EFCAB14: variants seen among roughly 807,000 people sequenced by gnomAD.
EFCAB14 encodes EF-hand calcium-binding domain-containing protein 14.
EFCAB14 carries 43 observed loss-of-function variants against 56.5 expected under a neutral mutation model. That is an observed-to-expected ratio of 0.76 (90% CI 0.60 to 0.98). The LOEUF is 0.98. EFCAB14 is among the 50% of genes least tolerant of loss of function. EFCAB14 has a pLI of 0.00. For synonymous variants in EFCAB14, 235 were observed against 212.9 expected (o/e 1.10, Z -0.90); for missense variants, 538 against 580.3 (o/e 0.93, Z 0.75).
intron 3 of EFCAB14, 45 bp from the exon 4 acceptor site, chr1:46,696,694 G>A: frequency 1.3e-6 from 2 of 1,574,950 alleles, no homozygotes; most frequent in Non-Finnish European, 1.7e-6. Context: ...ATGAGAATTT[G>A]TAGAGGACAC....
chr1:46,702,921 TATA>T (rs1302270122), intron 3 of EFCAB14, among the ~76,000 whole-genome samples: 1 of 152,248 alleles, frequency 6.6e-6, no homozygotes, highest in African/African-American at 2.4e-5. Context: ...ATACTGTAGC[TATA>T]ATGAGTGACT....
intron 3 of EFCAB14, among the ~76,000 whole-genome samples, chr1:46,703,138 T>C (rs1318701941): frequency 1.3e-5 from 2 of 151,972 alleles, no homozygotes; most frequent in East Asian, 3.9e-4. Flanking sequence ...AGACAGAGTC[T>C]TGCTCTTGTC....
intron 2 of EFCAB14, among the ~76,000 whole-genome samples, chr1:46,715,850 TGA>T (rs1677379297): frequency 6.6e-6 from 1 of 152,084 alleles, no homozygotes; most frequent in African/African-American, 2.4e-5. Flanking sequence ...ATAAAAATAC[TGA>T]GAGGAACGTA....
Position 46,689,608 on chromosome 1 carries a change from G to A in EFCAB14, c.774C>T (p.Thr258=). The A allele has an allele frequency of 6.2e-7, 1 of 1,613,856 alleles. No individual in the cohort carries two copies. The highest frequency in any genetic ancestry group is 1.3e-5 in the African/African-American group (1 of 75,010). Residue 258 remains threonine (T), a synonymous_variant, in exon 6 of 11, where the codon ACC becomes ACT. Coordinates refer to ENST00000371933, the MANE Select transcript of EFCAB14 (RefSeq NM_014774.3). ...GCACCTGTTTCAAATTCTCACTGTGGGTTTTATTGTCAAGTTCTGATGTGG... is the reference window on the plus strand; with the variant it reads ...GCACCTGTTTCAAATTCTCACTGTGAGTTTTATTGTCAAGTTCTGATGTGG... The part of the protein sequence containing the change: ...PSATSELDNK[T]HSENLKQDIL...
intron 2 of EFCAB14, 147 bp downstream of exon 2, chr1:46,716,148 G>A (rs1677385851): frequency 2.2e-6 from 2 of 899,650 alleles, no homozygotes; most frequent in South Asian, 3.7e-5. Context: ...TACTCAGAAG[G>A]CTGACCATGA....
At chr1:46,689,765 A>G in intron 5 of EFCAB14, 74 bp from the exon 6 acceptor site, 1 of 1,297,860 alleles carries the variant, frequency 7.7e-7, no homozygotes, top group Non-Finnish European at 1.1e-6. Context: ...AGATTGTCCT[A>G]GAACATTCTA....
At chr1:46,703,414 AT>A (rs986214005) in intron 3 of EFCAB14, among the ~76,000 whole-genome samples, 18 of 152,112 alleles carry the variant, frequency 1.2e-4, no homozygotes, top group African/African-American at 4.1e-4. Context: ...GGCCTGCTCA[AT>A]TTTTTTAAAC....
chr1:46,702,174 A>T (rs1557447457), intron 3 of EFCAB14, among the ~76,000 whole-genome samples: 1 of 152,270 alleles, frequency 6.6e-6, no homozygotes, highest in Non-Finnish European at 1.5e-5. Context: ...ACTTTTCATT[A>T]GAAAAATTAA....
chr1:46,700,018 A>C (rs1298649167), intron 3 of EFCAB14, among the ~76,000 whole-genome samples: 1 of 152,166 alleles, frequency 6.6e-6, no homozygotes, highest in Admixed American at 6.5e-5. Flanking sequence ...GTGAGTGAGG[A>C]ACCTCCAGCC....
Position 46,683,486 on chromosome 1 carries a change from T to C in EFCAB14, c.1187-61A>G. 1.3e-6 allele frequency: 2 copies of C among 1,537,186 alleles called. 1 individual carries two copies. The highest frequency in any genetic ancestry group is 2.4e-5 in the South Asian group (2 of 82,922). On this transcript the variant is annotated intron_variant, in intron 9 of 10. Transcript: ENST00000371933. ...TGAATCTAACACCAAATTAAACTAG[T>C]ATCGAAGGTCACCTTTTAGGAAAAT...
At position 46,677,356 on chromosome 1, in the gene EFCAB14, ACAGC is replaced by A. The variant is rs1453642265; in HGVS notation, c.*1101_*1104del. On this transcript the variant is annotated 3_prime_UTR_variant, in exon 11 of 11. Coordinates refer to ENST00000371933, the MANE Select transcript of EFCAB14 (RefSeq NM_014774.3). ...AATATTATTTCACATGTTTCATCTC[ACAGC>A]CTTTTTGGCTTTAGTCATCCCCCAG... 1 of 152,216 alleles carries A rather than the reference ACAGC, an allele frequency of 6.6e-6. No individual in the cohort carries two copies. Among genetic ancestry groups the A allele is most frequent in the African/African-American group, 2.4e-5 (1 of 41,452 alleles). The allele number at this position is 152,216 out of a possible 1,614,324, so 9.4% of individuals were successfully genotyped here. A position where few individuals can be genotyped will look rare whatever the true frequency, so the allele number is the denominator to read the frequency against.
At position 46,697,494 on chromosome 1, in the gene EFCAB14, C is replaced by T. The variant is rs79945921; in HGVS notation, c.481-845G>A. On this transcript the variant is annotated intron_variant, in intron 3 of 10. Coordinates refer to ENST00000371933, the MANE Select transcript of EFCAB14 (RefSeq NM_014774.3). ...ACTTGAAAGACTCTTAGTTCTAAAC[C>T]GCTTTCCCATTCTAAATTCTAGGAT... 4.9e-4 allele frequency among the ~76,000 whole-genome samples: 74 copies of T among 152,236 alleles called. 3 individuals are homozygous for T. The East Asian group carries it at 0.01, about 21-fold the overall frequency.
intron 10 of EFCAB14, 26 bp from the exon 11 acceptor site, chr1:46,678,662 G>C: frequency 6.3e-7 from 1 of 1,598,474 alleles, no homozygotes; most frequent in Non-Finnish European, 8.5e-7. Flanking sequence ...TACAAAAAAT[G>C]TATACGTCTA....
intron 2 of EFCAB14, among the ~76,000 whole-genome samples, chr1:46,712,182 T>C (rs369338480): frequency 5.3e-5 from 8 of 152,218 alleles, no homozygotes; most frequent in South Asian, 2.1e-4. Context: ...CAGATACCTA[T>C]ATTCCCTAAT....
Position 46,716,344 on chromosome 1 carries a change from C to G in EFCAB14, c.285G>C (p.Gln95His), listed in dbSNP as rs1444280036. The change falls in exon 2 of 11, where the codon CAG becomes CAC. Residue 95 changes from glutamine (Q) to histidine (H), a missense_variant. Gln to His is a conservative substitution (Grantham distance 24, BLOSUM62 0). Transcript: ENST00000371933. ...VVACVGLVWM[Q>H]VALKEDLDAL... is the part of the protein sequence containing the mutation. ...CATCCAGATCCTCCTTGAGAGCAACCTGCATCCACACCAAGCCAACACAGG... is the reference window on the plus strand; with the variant it reads ...CATCCAGATCCTCCTTGAGAGCAACGTGCATCCACACCAAGCCAACACAGG... The G allele has an allele frequency of 6.2e-7, 1 of 1,613,378 alleles. No homozygotes were observed. Among genetic ancestry groups the G allele is most frequent in the African/African-American group, 1.3e-5 (1 of 74,842 alleles).
chr1:46,713,747 G>A (rs1203474629), intron 2 of EFCAB14, among the ~76,000 whole-genome samples: 1 of 152,054 alleles, frequency 6.6e-6, no homozygotes, highest in Non-Finnish European at 1.5e-5. Context: ...CTAACTACAG[G>A]GCTGTAGTTA....
rs1676697244 is a variant in EFCAB14, at chr1:46,676,551, C to T, written c.*1910G>A. 1 of 152,284 alleles carries T rather than the reference C, an allele frequency of 6.6e-6. No individual in the cohort carries two copies. Among genetic ancestry groups the T allele is most frequent in the African/African-American group, 2.4e-5 (1 of 41,304 alleles). 9.4% of individuals were successfully genotyped at this position (152,284 alleles called of 1,614,324 possible). On this transcript the variant is annotated 3_prime_UTR_variant, in exon 11 of 11. Coordinates refer to ENST00000371933, the MANE Select transcript of EFCAB14 (RefSeq NM_014774.3). ...CATACTATTTATGGTACAGTATATA[C>T]AAATATAGCAGTATAATTCAATTTA...
chr1:46,681,663 G>GTTT lies in EFCAB14; in HGVS notation c.1312+1634_1312+1636dup, dbSNP rs10654448. ...ACCAAGTGGCTAGCTGAAGAGTTCT[G>GTTT]TTTTTTTTTTTCTTTTTTTTTGTGG... On this transcript the variant is annotated intron_variant, in intron 10 of 10. Coordinates refer to ENST00000371933, the MANE Select transcript of EFCAB14 (RefSeq NM_014774.3). Among the ~76,000 whole-genome samples the GTTT allele has an allele frequency of 2.3e-3, 336 of 149,200 alleles. 1 individual carries two copies. Among genetic ancestry groups the GTTT allele is most frequent in the Middle Eastern group, 3.5e-3 (1 of 284 alleles).
chr1:46,712,930 C>T (rs1158459886), intron 2 of EFCAB14, among the ~76,000 whole-genome samples: 2 of 152,062 alleles, frequency 1.3e-5, no homozygotes, highest in Non-Finnish European at 2.9e-5. Context: ...AGGAGAATCA[C>T]TTGAACCTGG....
Sources: gnomAD v4.1 joint callset for allele counts (sites outside exome capture counted in the v4.1 genomes callset) on GRCh38, gnomAD v4.1.1 for gene constraint, MANE v1.5 for transcripts, NCBI Gene and HGNC (gene_info 2026-07-23, HGNC 2026-07-21) for gene names.